Variants in MARCHF1 observed in about 807,000 individuals in gnomAD.
MARCHF1 encodes the protein membrane associated ring-CH-type finger 1.
In MARCHF1, 40 loss-of-function variants were observed where a neutral mutation model predicts 54.2. The ratio of observed to expected loss-of-function variants is 0.74; its 90% confidence interval spans 0.57 to 0.96. The LOEUF (loss-of-function observed/expected upper bound fraction) is 0.96, where lower values mean the gene tolerates loss of function less well. MARCHF1 is among the 40% of genes least tolerant of loss of function. The probability of loss-of-function intolerance (pLI) is 0.00; values close to 1 mark genes in which losing one functional copy is unlikely to be tolerated. For missense variants in MARCHF1, 586 were observed against 656.5 expected (o/e 0.89, Z 1.17); for synonymous variants, 236 against 236.3 (o/e 1.00, Z 0.01).
chr4:163,832,036 G>A (rs563747305), intron 4 of MARCHF1, among the ~76,000 whole-genome samples: 5 of 152,290 alleles, frequency 3.3e-5, no homozygotes, highest in African/African-American at 1.2e-4. Flanking sequence ...ATTAGAACTA[G>A]TAAGACTTCA....
chr4:163,737,316 C>G (rs1746074410), intron 4 of MARCHF1, among the ~76,000 whole-genome samples: 1 of 81,040 alleles, frequency 1.2e-5, no homozygotes, highest in Admixed American at 1.2e-4. Flanking sequence ...GCTGCACCCA[C>G]TAACGTGTCA....
rs938875099 is a variant in MARCHF1, at chr4:163,545,675, G to A, written c.1260C>T (p.Ile420=). The change falls in exon 9 of 10, where the codon ATC becomes ATT. Residue 420 remains isoleucine (I), a synonymous_variant. Coordinates refer to ENST00000514618, the MANE Select transcript of MARCHF1 (RefSeq NM_001394959.1). ...AAGACCAAACCACACAGGTGATCGCGATTACGTGGAATGTGACAGAGCAGA... is the reference window on the plus strand; with the variant it reads ...AAGACCAAACCACACAGGTGATCGCAATTACGTGGAATGTGACAGAGCAGA... ...KIFCSVTFHV[I]AITCVVWSLY... The A allele has an allele frequency of 9.9e-6, 16 of 1,613,970 alleles. No homozygotes were observed. Among genetic ancestry groups the A allele is most frequent in the Middle Eastern group, 1.6e-4 (1 of 6,062 alleles).
chr4:163,687,826 A>G (rs1415825741), intron 5 of MARCHF1, among the ~76,000 whole-genome samples: 1 of 152,214 alleles, frequency 6.6e-6, no homozygotes, highest in Non-Finnish European at 1.5e-5. Flanking sequence ...TGGTCTATTT[A>G]TATGTATTTA....
intron 4 of MARCHF1, among the ~76,000 whole-genome samples, chr4:163,774,420 G>T (rs1399659789): frequency 6.7e-6 from 1 of 149,276 alleles, no homozygotes; most frequent in Non-Finnish European, 1.5e-5. Flanking sequence ...GTGATCTCAA[G>T]AAAAATATTA....
At chr4:164,144,366 A>G (rs1007108619) in intron 1 of MARCHF1, among the ~76,000 whole-genome samples, 3 of 151,574 alleles carry the variant, frequency 2.0e-5, no homozygotes, top group Non-Finnish European at 2.9e-5. Flanking sequence ...AACAGAATAT[A>G]TATTTTTTTC....
At chr4:163,569,750 AT>A (rs1182695268) in intron 8 of MARCHF1, among the ~76,000 whole-genome samples, 1 of 152,142 alleles carries the variant, frequency 6.6e-6, no homozygotes, top group Non-Finnish European at 1.5e-5. Flanking sequence ...ATTATAGGCT[AT>A]TGGATTACTT....
intron 2 of MARCHF1, among the ~76,000 whole-genome samples, chr4:164,106,077 C>A (rs1755690043): frequency 6.6e-6 from 1 of 151,512 alleles, no homozygotes; most frequent in African/African-American, 2.4e-5. Context: ...TACCATCTCA[C>A]ACCAGTTAGA....
Position 163,922,037 on chromosome 4 carries a change from C to T in MARCHF1, c.-39+66464G>A, listed in dbSNP as rs200573086. On this transcript the variant is annotated intron_variant, in intron 3 of 9. Coordinates refer to ENST00000514618, the MANE Select transcript of MARCHF1 (RefSeq NM_001394959.1). ...ATACACACCATTAAATACTATGGAGCCATAAAAAATGATGAGTACATGTCC... is the reference window on the plus strand; with the variant it reads ...ATACACACCATTAAATACTATGGAGTCATAAAAAATGATGAGTACATGTCC... Among the ~76,000 whole-genome samples the T allele has an allele frequency of 5.3e-5, 8 of 152,070 alleles. No individual in the cohort carries two copies. The South Asian group carries it at 1.0e-3, about 20-fold the overall frequency.
At chr4:164,301,774 C>G (rs989968783) in intron 1 of MARCHF1, among the ~76,000 whole-genome samples, 1 of 152,130 alleles carries the variant, frequency 6.6e-6, no homozygotes. Flanking sequence ...AAGAGTGTAT[C>G]AAAGTGGATG....
At chr4:163,886,323 AG>A (rs2111256593) in intron 3 of MARCHF1, among the ~76,000 whole-genome samples, 1 of 146,974 alleles carries the variant, frequency 6.8e-6, no homozygotes, top group Non-Finnish European at 1.5e-5. Flanking sequence ...ATAGATAGAT[AG>A]ATAGATAGAT....
intron 4 of MARCHF1, among the ~76,000 whole-genome samples, chr4:163,761,442 G>T (rs917393470): frequency 6.6e-6 from 1 of 152,204 alleles, no homozygotes; most frequent in Admixed American, 6.5e-5. Flanking sequence ...AGGCATTGGT[G>T]TCCTGTAGAA....
At chr4:164,097,315 A>G (rs1755437226) in intron 2 of MARCHF1, among the ~76,000 whole-genome samples, 2 of 152,322 alleles carry the variant, frequency 1.3e-5, no homozygotes, top group African/African-American at 4.8e-5. Context: ...AGATGACGTC[A>G]CTAATCTCTA....
chr4:163,864,978 G>A (rs1750018200), intron 3 of MARCHF1, among the ~76,000 whole-genome samples: 1 of 151,880 alleles, frequency 6.6e-6, no homozygotes, highest in Non-Finnish European at 1.5e-5. Context: ...GGACTAAACA[G>A]TGAAATAAAA....
chr4:163,627,839 TG>T lies in MARCHF1; in HGVS notation c.163-14447del, dbSNP rs1025886040. On this transcript the variant is annotated intron_variant, in intron 5 of 9. Coordinates refer to ENST00000514618, the MANE Select transcript of MARCHF1 (RefSeq NM_001394959.1). Reference sequence around the variant, plus strand: ...AGATAACTCAATGAGGAAAGGAATATGTTTTTTTTTTAAGATGGTGCTAGAA... The same window carrying T: ...AGATAACTCAATGAGGAAAGGAATATTTTTTTTTTTAAGATGGTGCTAGAA... Among the ~76,000 whole-genome samples the T allele has an allele frequency of 5.2e-4, 67 of 129,886 alleles. 1 individual carries two copies. Among genetic ancestry groups the T allele is most frequent in the Middle Eastern group, 4.2e-3 (1 of 240 alleles). The allele number at this position is 129,886 out of a possible 152,430, so 85.2% of individuals were successfully genotyped here.
At chr4:163,882,244 T>G (rs1750432162) in intron 3 of MARCHF1, among the ~76,000 whole-genome samples, 1 of 152,190 alleles carries the variant, frequency 6.6e-6, no homozygotes. Flanking sequence ...TCTCTGGGAT[T>G]TGGGGGTAAT....
intron 2 of MARCHF1, among the ~76,000 whole-genome samples, chr4:164,040,245 AT>A (rs2111016649): frequency 6.9e-6 from 1 of 144,608 alleles, no homozygotes; most frequent in Non-Finnish European, 1.5e-5. Context: ...ATATACTTAT[AT>A]ATACGTATAT....
intron 2 of MARCHF1, among the ~76,000 whole-genome samples, chr4:164,108,579 T>C (rs1038032553): frequency 3.3e-5 from 5 of 152,230 alleles, no homozygotes; most frequent in African/African-American, 4.8e-5. Context: ...AATGAGATTA[T>C]AGCAATTTAG....
At chr4:163,704,228 T>A (rs146591897) in intron 4 of MARCHF1, among the ~76,000 whole-genome samples, 1 of 151,704 alleles carries the variant, frequency 6.6e-6, no homozygotes, top group Admixed American at 6.6e-5. Context: ...AGGTTAAAAA[T>A]CCCAAGTATT....
At chr4:164,053,350 C>T (rs1041066212) in intron 2 of MARCHF1, among the ~76,000 whole-genome samples, 2 of 151,912 alleles carry the variant, frequency 1.3e-5, no homozygotes, top group Non-Finnish European at 2.9e-5. Flanking sequence ...CAACCCCAAA[C>T]ATAGGAATTG....
Sources: allele counts gnomAD v4.1 joint callset (sites outside exome capture counted in the v4.1 genomes callset), GRCh38; gene constraint gnomAD v4.1.1; transcripts MANE v1.5; gene names NCBI Gene and HGNC (gene_info 2026-07-23, HGNC 2026-07-21).